The following HMCN2 variants were observed in gnomAD, a reference collection of about 807,000 sequenced individuals.
HMCN2 encodes the protein hemicentin-2.
A neutral mutation model predicts 377.5 loss-of-function variants in HMCN2; 325 were observed. That is an observed-to-expected ratio of 0.86 (90% CI 0.79 to 0.94). The LOEUF is 0.94. Ranked by LOEUF, HMCN2 falls within the 40% of genes least tolerant of loss-of-function variation. The pLI is 0.00. For synonymous variants in HMCN2, 2,007 were observed against 2,046.8 expected, an observed-to-expected ratio of 0.98 and a Z score of 0.53; for missense variants, 4,543 against 4,725.3, an observed-to-expected ratio of 0.96 and a Z score of 1.13.
intron 23 of HMCN2, among the ~76,000 whole-genome samples, chr9:130,339,923 G>A (rs879183710): frequency 0.29 from 44,885 of 152,176 alleles, 7,151 homozygotes; most frequent in African/African-American, 0.42. Flanking sequence ...AGTGCCTGGA[G>A]CAAGGTGGCC....
rs747503681 is a variant in HMCN2 at position 130,430,588 on chromosome 9, G to T, written c.14631G>T (p.Gln4877His). The change falls in exon 95 of 98, where the codon CAG becomes CAT. Residue 4877 changes from glutamine (Q) to histidine (H), a missense_variant. Coordinates refer to ENST00000683500, the MANE Select transcript of HMCN2 (RefSeq NM_001291815.2). ...RAWCPPGFIR[Q>H]NGVCTDLDEC... ...GGTGCCCTCCTGGTTTCATCAGGCA[G>T]AACGGAGTCTGCACAGGTAAGGCCA... is the stretch of plus-strand genomic sequence containing the variant. 46 of 1,549,810 alleles carry T rather than the reference G, an allele frequency of 3.0e-5. No homozygotes were observed. The highest frequency in any genetic ancestry group is 3.8e-5 in the Non-Finnish European group (43 of 1,146,610).
intron 86 of HMCN2, 87 bp downstream of exon 86, chr9:130,419,128 C>G: frequency 7.7e-7 from 1 of 1,292,308 alleles, no homozygotes; most frequent in Non-Finnish European, 1.0e-6. Flanking sequence ...GGAGACCTGT[C>G]CCCTGCCTTG....
chr9:130,358,631 C>T (rs942934191), intron 36 of HMCN2, 145 bp downstream of exon 36: 1 of 718,102 alleles, frequency 1.4e-6, no homozygotes, highest in African/African-American at 1.9e-5. Flanking sequence ...AGTAGAAAGC[C>T]CTGAAATGAA....
chr9:130,322,382 C>G (rs1837906267), intron 19 of HMCN2, among the ~76,000 whole-genome samples: 1 of 152,138 alleles, frequency 6.6e-6, no homozygotes, highest in East Asian at 1.9e-4. Context: ...ATCTATCTAT[C>G]TATCCATCTA....
Position 130,351,290 on chromosome 9 carries a change from T to C in HMCN2, c.4431-133T>C. 1.9e-6 allele frequency: 1 copy of C among 515,032 alleles called. No individual in the cohort carries two copies. 31.9% of individuals were successfully genotyped at this position (515,032 alleles called of 1,614,324 possible). A position where few individuals can be genotyped will look rare whatever the true frequency, so the allele number is the denominator to read the frequency against. ...ATCCATTCCTCGCTTACTGGGCCTT[T>C]GCATTGCTCCCACCTCTTGGCGCTA... On this transcript the variant is annotated intron_variant, in intron 29 of 97. Transcript: ENST00000683500. The surrounding 1 kb of genome is among the most constrained non-coding windows in gnomAD (Gnocchi z 5.4).
intron 34 of HMCN2, 128 bp downstream of exon 34, chr9:130,356,385 C>T: frequency 2.2e-6 from 2 of 927,946 alleles, no homozygotes; most frequent in Non-Finnish European, 2.8e-6. Flanking sequence ...CTGGGCTGGA[C>T]TTCCCAGTTC....
intron 46 of HMCN2, among the ~76,000 whole-genome samples, chr9:130,371,441 T>C (rs1221657261): frequency 2.0e-5 from 3 of 151,584 alleles, no homozygotes; most frequent in African/African-American, 7.3e-5. Context: ...CTTTGGCACT[T>C]ATATATAACA....
chr9:130,290,747 CA>C (rs1554929763), intron 4 of HMCN2, among the ~76,000 whole-genome samples: 1 of 150,968 alleles, frequency 6.6e-6, no homozygotes, highest in Non-Finnish European at 1.5e-5. Context: ...CAAGACACAA[CA>C]ATGAAGTAGC....
Position 130,295,021 on chromosome 9 carries a change from C to T in HMCN2, c.779C>T (p.Pro260Leu), listed in dbSNP as rs141287476. Residue 260 changes from proline to leucine, a missense_variant, in exon 5 of 98, where the codon CCG becomes CTG. By Grantham distance (98) the Pro-to-Leu change is moderately conservative. Transcript: ENST00000683500. ...GGGCCTGAGATTGAAGTCCAAGATC[C>T]GCTGGGTATGGACCACCCCGGGGCT... ...GPGPEIEVQDPLGRILQEDEG... is the reference protein window; with the variant it reads ...GPGPEIEVQDLLGRILQEDEG... 33 of 468,428 alleles carry T rather than the reference C, an allele frequency of 7.0e-5. No homozygotes were observed. The East Asian group carries it at 1.8e-3, about 25-fold the overall frequency. The allele number at this position is 468,428 out of a possible 1,614,324, so 29.0% of individuals were successfully genotyped here.
At chr9:130,366,870 C>T (rs80279818) in intron 43 of HMCN2, among the ~76,000 whole-genome samples, 2,115 of 152,222 alleles carry the variant, frequency 0.014, 52 homozygotes, top group African/African-American at 0.048. Flanking sequence ...AATAAACACA[C>T]AGTTAGTAAA....
At chr9:130,332,976 C>T (rs36169642) in intron 22 of HMCN2, among the ~76,000 whole-genome samples, 52,412 of 148,978 alleles carry the variant, frequency 0.35, 10,898 homozygotes, top group Non-Finnish European at 0.48. Flanking sequence ...TGGGAGACAG[C>T]GGGGGTCTGG....
In HMCN2 at chr9:130,354,870, C is replaced by G; in HGVS notation, c.4972C>G (p.Leu1658Val). The change falls in exon 32 of 98, where the codon CTC becomes GTC. Residue 1658 changes from leucine (L) to valine (V), a missense_variant. By Grantham distance (32) the Leu-to-Val change is conservative. Around this residue, in one of 5 missense-constraint regions of HMCN2, gnomAD observed 1,032 missense variants for 1,285.1 expected, o/e 0.80. Coordinates refer to ENST00000683500, the MANE Select transcript of HMCN2 (RefSeq NM_001291815.2). The part of the protein sequence containing the change: ...CVARGHPSPT[L>V]SWHHEGLPVA... ...GGCCAGAGGCCACCCGTCCCCCACC[C>G]TCTCCTGGCACCACGAGGGGCTGCC... 1.5e-6 allele frequency: 2 copies of G among 1,304,308 alleles called. No homozygotes were observed. The highest frequency in any genetic ancestry group is 2.0e-6 in the Non-Finnish European group (2 of 988,944). 80.8% of individuals were successfully genotyped at this position (1,304,308 alleles called of 1,614,324 possible).
intron 76 of HMCN2, 125 bp downstream of exon 76, chr9:130,399,757 CAGGA>C: frequency 1.6e-6 from 1 of 607,124 alleles, no homozygotes; most frequent in Non-Finnish European, 2.4e-6. Flanking sequence ...ACACCTCCTC[CAGGA>C]AGGTCTCTCA....
At position 130,383,517 on chromosome 9, in the gene HMCN2, A is replaced by T. The variant is rs989811068; in HGVS notation, c.8747A>T (p.Glu2916Val). 2 of 985,930 alleles carry T rather than the reference A, an allele frequency of 2.0e-6. No homozygotes were observed. Among genetic ancestry groups the T allele is most frequent in the African/African-American group, 3.5e-5 (2 of 57,232 alleles). 61.1% of individuals were successfully genotyped at this position (985,930 alleles called of 1,614,324 possible). A position where few individuals can be genotyped will look rare whatever the true frequency, so the allele number is the denominator to read the frequency against. Residue 2916 changes from glutamate (E) to valine (V), a missense_variant, in exon 57 of 98, where the codon GAG (glutamate) becomes GTG (valine). Transcript: ENST00000683500. ...DGQVLQVSTA[E>V]VADAASYMCV... ...CTGCACCCACAGGTTTCCACGGCAGAGGTGGCCGACGCCGCCAGCTACATG... is the reference window on the plus strand; with the variant it reads ...CTGCACCCACAGGTTTCCACGGCAGTGGTGGCCGACGCCGCCAGCTACATG...
intron 4 of HMCN2, among the ~76,000 whole-genome samples, chr9:130,286,880 AGGGCTCTGTCCTTCCTCCTCTCG>A (rs1212918619): frequency 6.6e-6 from 1 of 152,100 alleles, no homozygotes. Context: ...GCTCCTGGAC[AGGGCTCTGTCCTTCCTCCTCTCG>A]GGGCTCCATG....
chr9:130,310,748 GCAGA>G (rs1837204532), intron 15 of HMCN2, among the ~76,000 whole-genome samples: 1 of 152,184 alleles, frequency 6.6e-6, no homozygotes, highest in Non-Finnish European at 1.5e-5. Flanking sequence ...GAGGCCCACC[GCAGA>G]CAGTTTGGTT....
intron 22 of HMCN2, among the ~76,000 whole-genome samples, chr9:130,335,823 G>A: frequency 6.6e-6 from 1 of 152,314 alleles, no homozygotes; most frequent in East Asian, 1.9e-4. Flanking sequence ...CTTGGGGAAG[G>A]GGCACGTCTT....
chr9:130,292,977 T>TCTACCTAC (rs1554930539), intron 4 of HMCN2, among the ~76,000 whole-genome samples: 1 of 141,726 alleles, frequency 7.1e-6, no homozygotes, highest in African/African-American at 2.5e-5. Flanking sequence ...TATCTATCTA[T>TCTACCTAC]CTATCTATCT....
chr9:130,292,977 T>TCTATCTATCTATCTATCTATCTATCTAC (rs1835872957), intron 4 of HMCN2, among the ~76,000 whole-genome samples: 1 of 141,726 alleles, frequency 7.1e-6, no homozygotes, highest in African/African-American at 2.5e-5. Flanking sequence ...TATCTATCTA[T>TCTATCTATCTATCTATCTATCTATCTAC]CTATCTATCT....
Sources: gnomAD v4.1 joint callset for allele counts (sites outside exome capture counted in the v4.1 genomes callset) on GRCh38, gnomAD v4.1.1 for gene constraint, gnomAD v4.1.1 regional missense constraint, Gnocchi (gnomAD v3.1) non-coding constraint, MANE v1.5 for transcripts, NCBI Gene and HGNC (gene_info 2026-07-23, HGNC 2026-07-21) for gene names.